CFAP47: variants seen among roughly 807,000 people sequenced by gnomAD.
CFAP47 encodes the protein cilia- and flagella-associated protein 47.
In CFAP47, 29 loss-of-function variants were observed where a neutral mutation model predicts 148.1. The observed-to-expected ratio is 0.20, with a 90% CI of 0.15 to 0.27. CFAP47 has a LOEUF of 0.27. Ranked by LOEUF, CFAP47 falls within the 10% of genes least tolerant of loss-of-function variation. The pLI, the probability that CFAP47 is intolerant of heterozygous loss-of-function variation, is 1.00. For synonymous variants in CFAP47, 664 were observed against 577.3 expected (o/e 1.15, Z -2.15); for missense variants, 1,872 against 1,697.5 (o/e 1.10, Z -1.81).
intron 39 of CFAP47, among the ~76,000 whole-genome samples, chrX:36,170,335 A>G (rs1001234753): frequency 3.6e-5 from 4 of 110,979 alleles, no homozygotes; most frequent in Non-Finnish European, 7.5e-5. Context: ...TTTAGGGTAC[A>G]TGTGCACAAT....
At chrX:36,342,838 C>T (rs1050898740) in intron 57 of CFAP47, among the ~76,000 whole-genome samples, 3 of 111,182 alleles carry the variant, frequency 2.7e-5, no homozygotes, top group African/African-American at 9.8e-5. Context: ...ATGTGCTGAA[C>T]GTGCAGGTTT....
chrX:36,103,730 C>G (rs1021886398), intron 32 of CFAP47, among the ~76,000 whole-genome samples: 7 of 109,835 alleles, frequency 6.4e-5, no homozygotes, highest in African/African-American at 2.0e-4. Flanking sequence ...ACACTGTGTA[C>G]TTTAATGTGA....
Position 36,361,464 on chromosome X carries a change from A to G in CFAP47, c.8986A>G (p.Ile2996Val). Reference sequence around the variant, plus strand: ...TATTATGGCTAAAAGGATAACATTTATCTTCAATCTGGTATTCACACCAAA... The same window carrying G: ...TATTATGGCTAAAAGGATAACATTTGTCTTCAATCTGGTATTCACACCAAA... ...YDIMAKRITF[I>V]FNLVFTPKKP... Residue 2996 changes from isoleucine to valine, a missense_variant, in exon 61 of 64, where the codon ATC (isoleucine) becomes GTC (valine). Physicochemically the swap from Ile to Val is conservative, Grantham distance 29. Transcript: ENST00000378653. The G allele has an allele frequency of 9.2e-7, 1 of 1,083,038 alleles. No homozygotes were observed. The allele number at this position is 1,083,038 out of a possible 1,213,427, so 89.3% of individuals were successfully genotyped here. A position where few individuals can be genotyped will look rare whatever the true frequency, so the allele number is the denominator to read the frequency against.
intron 45 of CFAP47, among the ~76,000 whole-genome samples, chrX:36,217,139 C>A (rs61710950): frequency 0.048 from 5,383 of 111,856 alleles, 360 homozygotes; most frequent in African/African-American, 0.17. Context: ...GATAAGATTT[C>A]TTTCACTGTC....
intron 15 of CFAP47, among the ~76,000 whole-genome samples, chrX:35,981,056 G>A (rs753528369): frequency 9.1e-6 from 1 of 109,963 alleles, no homozygotes; most frequent in African/African-American, 3.3e-5. Flanking sequence ...TGTTGAGATT[G>A]TAACATAAAT....
intron 30 of CFAP47, among the ~76,000 whole-genome samples, chrX:36,087,177 AC>A (rs1160963818): frequency 1.9e-4 from 21 of 112,175 alleles, no homozygotes; most frequent in Non-Finnish European, 3.8e-4. Flanking sequence ...AATTTGAGGA[AC>A]CCTTCTATAT....
chrX:36,037,865 A>G (rs1383720477), intron 24 of CFAP47, among the ~76,000 whole-genome samples: 1 of 112,168 alleles, frequency 8.9e-6, no homozygotes, highest in Non-Finnish European at 1.9e-5. Context: ...TGTTTTAAAT[A>G]CATACATTCT....
intron 62 of CFAP47, among the ~76,000 whole-genome samples, chrX:36,371,858 G>GTA (rs1941962653): frequency 3.6e-5 from 2 of 56,118 alleles, no homozygotes; most frequent in African/African-American, 1.9e-4. Flanking sequence ...ATATATGTGT[G>GTA]CATATACACA....
intron 10 of CFAP47, among the ~76,000 whole-genome samples, chrX:35,968,779 A>T (rs1485957032): frequency 9.0e-6 from 1 of 111,081 alleles, no homozygotes; most frequent in Non-Finnish European, 1.9e-5. Context: ...ATTACTTGAC[A>T]AGTACCATAA....
intron 25 of CFAP47, among the ~76,000 whole-genome samples, chrX:36,042,305 G>A (rs1285807918): frequency 9.0e-6 from 1 of 111,023 alleles, no homozygotes; most frequent in Non-Finnish European, 1.9e-5. Context: ...CACATGGCAG[G>A]GGGATAAGAA....
At chrX:35,986,259 G>A (rs1428133139) in intron 15 of CFAP47, among the ~76,000 whole-genome samples, 4 of 110,124 alleles carry the variant, frequency 3.6e-5, no homozygotes, top group African/African-American at 6.6e-5. Flanking sequence ...ATGTAGGTTT[G>A]GTCTTTTCAC....
intron 57 of CFAP47, among the ~76,000 whole-genome samples, chrX:36,342,375 C>T (rs782301937): frequency 1.8e-5 from 2 of 111,874 alleles, no homozygotes; most frequent in South Asian, 3.7e-4. Flanking sequence ...TGTTCCCCCA[C>T]GCCAGTCTGC....
chrX:36,339,361 TGTTA>T (rs1424994127), intron 57 of CFAP47, among the ~76,000 whole-genome samples: 9 of 111,761 alleles, frequency 8.1e-5, no homozygotes, highest in African/African-American at 2.9e-4. Context: ...CAATAAGGTA[TGTTA>T]GTTATAGTAG....
intron 2 of CFAP47, among the ~76,000 whole-genome samples, chrX:35,940,654 C>G (rs997911296): frequency 1.8e-4 from 20 of 110,901 alleles, no homozygotes; most frequent in Non-Finnish European, 2.8e-4. Context: ...CTCTCTTTTT[C>G]TCTCTCCCCC....
rs782126138 is a variant in CFAP47, at chrX:36,366,505, A to G, written c.9024-461A>G. Among the ~76,000 whole-genome samples the G allele has an allele frequency of 8.0e-5, 9 of 111,888 alleles. No homozygotes were observed. The South Asian group carries it at 3.3e-3, about 41-fold the overall frequency. On this transcript the variant is annotated intron_variant, in intron 61 of 63. Coordinates refer to ENST00000378653, the MANE Select transcript of CFAP47 (RefSeq NM_001304548.2). Reference sequence around the variant, plus strand: ...ATGGGCTTTGCATGTTTTCACAGAAAATGTATTTTTTCTTTGTGAAACGAG... The same window carrying G: ...ATGGGCTTTGCATGTTTTCACAGAAGATGTATTTTTTCTTTGTGAAACGAG...
In CFAP47 at chrX:36,348,257, A is replaced by G; in HGVS notation, c.8572A>G (p.Asn2858Asp). 1 of 1,031,986 alleles carries G rather than the reference A, an allele frequency of 9.7e-7. No individual in the cohort carries two copies. Among genetic ancestry groups the G allele is most frequent in the Non-Finnish European group, 1.2e-6 (1 of 800,572 alleles). 85.0% of individuals were successfully genotyped at this position (1,031,986 alleles called of 1,213,427 possible). The stretch of plus-strand genomic sequence containing the variant: ...AAATGGAAAATATTGGCCTATTGAC[A>G]ATTTTGATGAGTTGGATATAAAATT... ...KANGKYWPID[N>D]FDELDIKFKS... Residue 2858 changes from asparagine (N) to aspartate (D), a missense_variant, in exon 58 of 64, where the codon AAT becomes GAT. Asn to Asp is a conservative substitution (Grantham distance 23). Transcript: ENST00000378653.
chrX:36,218,096 A>G (rs144478845), intron 45 of CFAP47, among the ~76,000 whole-genome samples: 339 of 96,267 alleles, frequency 3.5e-3, no homozygotes, highest in African/African-American at 0.016. Flanking sequence ...ACACTTAGTA[A>G]ATCAGTCTGC....
intron 6 of CFAP47, among the ~76,000 whole-genome samples, chrX:35,952,883 A>T (rs1936188212): frequency 8.9e-6 from 1 of 111,924 alleles, no homozygotes; most frequent in African/African-American, 3.2e-5. Flanking sequence ...GTATGATTTG[A>T]AGTCTTAGTT....
intron 26 of CFAP47, among the ~76,000 whole-genome samples, chrX:36,056,909 C>A (rs1199336366): frequency 8.9e-6 from 1 of 112,250 alleles, no homozygotes; most frequent in African/African-American, 3.2e-5. Flanking sequence ...TTGAACAAGT[C>A]CTCACTGGGC....
Sources: gnomAD v4.1 joint callset for allele counts (sites outside exome capture counted in the v4.1 genomes callset) on GRCh38, gnomAD v4.1.1 for gene constraint, MANE v1.5 for transcripts, NCBI Gene and HGNC (gene_info 2026-07-23, HGNC 2026-07-21) for gene names.